The following UNC80 variants were observed in gnomAD, a reference collection of about 807,000 sequenced individuals.
UNC80 encodes the protein protein unc-80 homolog.
UNC80 carries 164 observed loss-of-function variants against 384.6 expected under a neutral mutation model. The observed-to-expected ratio is 0.43, with a 90% CI of 0.38 to 0.49. The LOEUF (loss-of-function observed/expected upper bound fraction) is 0.49, where lower values mean the gene tolerates loss of function less well. Ranked by LOEUF, UNC80 falls within the 20% of genes least tolerant of loss-of-function variation. The pLI, the probability that UNC80 is intolerant of heterozygous loss-of-function variation, is 0.00. For missense variants in UNC80, 3,330 were observed against 4,143.0 expected (o/e 0.80, Z 5.39); for synonymous variants, 1,486 against 1,527.8 (o/e 0.97, Z 0.64).
chr2:209,827,656 A>T (rs923307296), intron 14 of UNC80, among the ~76,000 whole-genome samples: 10 of 152,188 alleles, frequency 6.6e-5, no homozygotes, highest in Non-Finnish European at 1.3e-4. Flanking sequence ...TCCAAGAGAT[A>T]TAAATATGGG....
At chr2:209,843,680 C>T (rs765521658) in intron 21 of UNC80, among the ~76,000 whole-genome samples, 5 of 152,216 alleles carry the variant, frequency 3.3e-5, no homozygotes, top group Admixed American at 2.6e-4. Flanking sequence ...GAGACATGCA[C>T]ATTCCCCTGT....
intron 11 of UNC80, among the ~76,000 whole-genome samples, chr2:209,818,401 CAT>C (rs1479775720): frequency 1.3e-5 from 2 of 151,742 alleles, no homozygotes; most frequent in Admixed American, 6.6e-5. Context: ...GTGCAGCAAA[CAT>C]GTGTCTCTGG....
chr2:209,892,843 G>A (rs1208066021), intron 26 of UNC80, among the ~76,000 whole-genome samples: 1 of 152,166 alleles, frequency 6.6e-6, no homozygotes, highest in Non-Finnish European at 1.5e-5. Context: ...TAATTAAAAT[G>A]CAGCTTTATG....
At chr2:209,941,719 G>A (rs1474625897) in intron 44 of UNC80, among the ~76,000 whole-genome samples, 1 of 152,184 alleles carries the variant, frequency 6.6e-6, no homozygotes, top group African/African-American at 2.4e-5. Context: ...GTCTAGGACA[G>A]TGGTTCTTAA....
chr2:209,942,664 C>T (rs898724290), intron 44 of UNC80, among the ~76,000 whole-genome samples: 6 of 151,970 alleles, frequency 3.9e-5, no homozygotes, highest in Non-Finnish European at 7.4e-5. Context: ...GGACTCTCTT[C>T]CTCATTTTTA....
chr2:209,835,021 T>C lies in UNC80; in HGVS notation c.3041+11T>C, dbSNP rs986452418. ...ACAGACTCCAGAGCAGTAAGTAGCG[T>C]TGGTTTTGTCTCCAGTGCAGACGGC... On this transcript the variant is annotated intron_variant, in intron 18 of 64. Transcript: ENST00000673920. 1.9e-6 allele frequency: 3 copies of C among 1,547,392 alleles called. No individual in the cohort carries two copies. The African/African-American group carries it at 4.1e-5, about 21-fold the overall frequency.
At chr2:209,865,397 T>G (rs2083661140) in intron 22 of UNC80, among the ~76,000 whole-genome samples, 1 of 152,038 alleles carries the variant, frequency 6.6e-6, no homozygotes, top group Non-Finnish European at 1.5e-5. Flanking sequence ...GGTCAGGAGA[T>G]CGAGACCATC....
At chr2:209,798,664 TA>T (rs1382915178) in intron 7 of UNC80, among the ~76,000 whole-genome samples, 1 of 150,936 alleles carries the variant, frequency 6.6e-6, no homozygotes, top group Non-Finnish European at 1.5e-5. Flanking sequence ...TTTTTATTTT[TA>T]TTTTTTTATT....
chr2:209,964,805 C>T (rs1400119474), intron 51 of UNC80, among the ~76,000 whole-genome samples: 4 of 143,068 alleles, frequency 2.8e-5, no homozygotes, highest in Non-Finnish European at 6.1e-5. Context: ...AAAAAAAAGA[C>T]AAGTACAGAA....
At chr2:209,846,644 A>G (rs1263198218) in intron 21 of UNC80, among the ~76,000 whole-genome samples, 3 of 152,128 alleles carry the variant, frequency 2.0e-5, no homozygotes, top group Non-Finnish European at 4.4e-5. Context: ...CTACGTAAAT[A>G]GAATTATAAT....
intron 5 of UNC80, among the ~76,000 whole-genome samples, chr2:209,788,285 G>A (rs781079001): frequency 9.9e-5 from 15 of 151,944 alleles, no homozygotes; most frequent in Admixed American, 5.2e-4. Flanking sequence ...GCTTGGTAGC[G>A]CATGCCTATA....
At chr2:209,844,451 T>TTTTC (rs368627996) in intron 21 of UNC80, among the ~76,000 whole-genome samples, 9 of 58,222 alleles carry the variant, frequency 1.5e-4, no homozygotes, top group East Asian at 9.7e-4. Flanking sequence ...TGCTCTTTTC[T>TTTTC]TTTCTTTCTT....
chr2:209,842,471 T>C, intron 21 of UNC80, 25 bp downstream of exon 21: 1 of 1,478,222 alleles, frequency 6.8e-7, no homozygotes, highest in Admixed American at 2.0e-5. Flanking sequence ...TCCTAAGAAT[T>C]CTATTCAACT....
intron 54 of UNC80, among the ~76,000 whole-genome samples, chr2:209,971,634 C>T (rs115921269): frequency 1.3e-5 from 2 of 152,270 alleles, no homozygotes; most frequent in African/African-American, 2.4e-5. Flanking sequence ...CTTGATGGCT[C>T]ATCATCCAGA....
chr2:209,816,836 T>C, intron 9 of UNC80, 73 bp from the exon 10 acceptor site: 1 of 1,384,572 alleles, frequency 7.2e-7, no homozygotes, highest in Non-Finnish European at 1.0e-6. Context: ...CTGCAGATCA[T>C]GGAGCCCCTT....
At chr2:209,821,042 C>T (rs1484441167) in intron 13 of UNC80, among the ~76,000 whole-genome samples, 1 of 152,198 alleles carries the variant, frequency 6.6e-6, no homozygotes, top group East Asian at 1.9e-4. Context: ...TTAGTCTCCT[C>T]AAGCTGCCAT....
chr2:209,837,010 C>T (rs901395346), intron 18 of UNC80, among the ~76,000 whole-genome samples: 2 of 152,152 alleles, frequency 1.3e-5, no homozygotes, highest in Admixed American at 6.5e-5. Context: ...AGAAATGCTT[C>T]ATACCCTGTA....
intron 23 of UNC80, among the ~76,000 whole-genome samples, chr2:209,875,747 C>A (rs1429099659): frequency 6.6e-6 from 1 of 152,138 alleles, no homozygotes; most frequent in East Asian, 1.9e-4. Flanking sequence ...CAGGACCGTC[C>A]CCTCGAATGT....
chr2:209,817,738 G>A lies in UNC80; in HGVS notation c.1553-74G>A, dbSNP rs2079844858. On this transcript the variant is annotated intron_variant, in intron 10 of 64. Transcript: ENST00000673920. ...GCCCCACACTCTCCCTGCTGTCCTT[G>A]GGAAAGACAATATCTTGGCAGAATA... 2.0e-6 allele frequency: 3 copies of A among 1,521,358 alleles called. No homozygotes were observed. The South Asian group carries it at 3.7e-5, about 19-fold the overall frequency. 94.2% of individuals were successfully genotyped at this position (1,521,358 alleles called of 1,614,324 possible).
Sources: allele counts gnomAD v4.1 joint callset (sites outside exome capture counted in the v4.1 genomes callset), GRCh38; gene constraint gnomAD v4.1.1; transcripts MANE v1.5; gene names NCBI Gene and HGNC (gene_info 2026-07-23, HGNC 2026-07-21).